PLA2G4A: variants seen among roughly 807,000 people sequenced by gnomAD.
PLA2G4A encodes the protein phospholipase A2 group IVA.
Under a neutral mutation model 81.9 loss-of-function variants are expected in PLA2G4A, and 40 were observed. The ratio of observed to expected loss-of-function variants is 0.49; its 90% CI spans 0.38 to 0.64. PLA2G4A has a LOEUF of 0.64. Ranked by LOEUF, PLA2G4A falls within the 30% of genes least tolerant of loss-of-function variation. The pLI is 0.00. For synonymous variants in PLA2G4A, 302 were observed against 296.9 expected (o/e 1.02, Z -0.18); for missense variants, 715 against 905.1 (o/e 0.79, Z 2.69).
intron 2 of PLA2G4A, among the ~76,000 whole-genome samples, chr1:186,855,393 T>A (rs570532640): frequency 6.6e-6 from 1 of 152,128 alleles, no homozygotes; most frequent in East Asian, 1.9e-4. Context: ...CTTCTTTCTG[T>A]CTGACTCTCT....
At chr1:186,839,707 G>A (rs1398462737) in intron 1 of PLA2G4A, among the ~76,000 whole-genome samples, 1 of 152,090 alleles carries the variant, frequency 6.6e-6, no homozygotes, top group Non-Finnish European at 1.5e-5. Context: ...TTTTCAGGAT[G>A]TGCTACATGT....
chr1:186,882,086 T>A (rs1030592062), intron 3 of PLA2G4A, among the ~76,000 whole-genome samples: 1 of 152,142 alleles, frequency 6.6e-6, no homozygotes, highest in African/African-American at 2.4e-5. Flanking sequence ...CTTGCTCAGC[T>A]CACTAAATGC....
intron 3 of PLA2G4A, among the ~76,000 whole-genome samples, chr1:186,877,256 G>A (rs895464308): frequency 2.6e-5 from 4 of 151,930 alleles, no homozygotes; most frequent in Non-Finnish European, 5.9e-5. Flanking sequence ...CCACTATCTT[G>A]GGAGATATTG....
chr1:186,887,787 G>C (rs1653987554), intron 3 of PLA2G4A, among the ~76,000 whole-genome samples: 2 of 152,134 alleles, frequency 1.3e-5, no homozygotes. Context: ...TGTGTTTACT[G>C]TCAAAGTGGG....
chr1:186,903,505 G>A (rs1042722627), intron 5 of PLA2G4A, among the ~76,000 whole-genome samples: 7 of 152,196 alleles, frequency 4.6e-5, no homozygotes, highest in African/African-American at 1.2e-4. Context: ...AGAGTTGGAC[G>A]AAGGAGCAAA....
intron 10 of PLA2G4A, among the ~76,000 whole-genome samples, chr1:186,944,928 T>C (rs1656284632): frequency 6.6e-6 from 1 of 152,118 alleles, no homozygotes; most frequent in South Asian, 2.1e-4. Flanking sequence ...CTAAATGAAT[T>C]CAGATTAGAT....
chr1:186,979,433 A>G lies in PLA2G4A; in HGVS notation c.2079A>G (p.Leu693=), dbSNP rs902167994. The G allele has an allele frequency of 6.2e-7, 1 of 1,602,088 alleles. No homozygotes were observed. The highest frequency in any genetic ancestry group is 8.6e-7 in the Non-Finnish European group (1 of 1,168,978). The stretch of plus-strand genomic sequence containing the variant: ...ATCCAAATCAAGCATTCAAAAGACT[A>G]CATGATCTTATGCACTTCAATACTC... ...FQYPNQAFKR[L]HDLMHFNTLN... The change falls in exon 17 of 18, where the codon CTA becomes CTG. Residue 693 remains leucine, a synonymous_variant. Coordinates refer to ENST00000367466, the MANE Select transcript of PLA2G4A (RefSeq NM_024420.3).
intron 3 of PLA2G4A, among the ~76,000 whole-genome samples, chr1:186,883,055 T>C (rs899400172): frequency 6.6e-6 from 1 of 152,054 alleles, no homozygotes; most frequent in African/African-American, 2.4e-5. Flanking sequence ...TGAAAATAAG[T>C]TTGCTTTGTA....
In PLA2G4A at chr1:186,979,937, C is replaced by T. The variant is rs549723673; in HGVS notation, c.2118+465C>T. Among the ~76,000 whole-genome samples the T allele has an allele frequency of 2.2e-5, 3 of 135,090 alleles. No individual in the cohort carries two copies. In the South Asian group the frequency reaches 7.2e-4, roughly 32 times the overall value. The allele number at this position is 135,090 out of a possible 152,430, so 88.6% of individuals were successfully genotyped here. A position where few individuals can be genotyped will look rare whatever the true frequency, so the allele number is the denominator to read the frequency against. ...AGAGCAGCATCACAAAACGTAACAG[C>T]ATTTCCTTTTTTTTTTTTTTTTTTT... is the stretch of plus-strand genomic sequence containing the variant. On this transcript the variant is annotated intron_variant, in intron 17 of 17. Coordinates refer to ENST00000367466, the MANE Select transcript of PLA2G4A (RefSeq NM_024420.3).
intron 1 of PLA2G4A, among the ~76,000 whole-genome samples, chr1:186,835,974 T>A (rs1651762866): frequency 6.6e-6 from 1 of 152,128 alleles, no homozygotes; most frequent in African/African-American, 2.4e-5. Context: ...TTTACATGCA[T>A]TTTTTCCCTC....
At chr1:186,954,004 T>A (rs549927423) in intron 13 of PLA2G4A, among the ~76,000 whole-genome samples, 2 of 152,358 alleles carry the variant, frequency 1.3e-5, no homozygotes, top group Admixed American at 1.3e-4. Flanking sequence ...TAGAAAGTAG[T>A]GTATTTGTTT....
At position 186,915,189 on chromosome 1, in the gene PLA2G4A, G is replaced by T. The variant is rs556659227; in HGVS notation, c.558+3800G>T. Among the ~76,000 whole-genome samples, 3 of 152,188 alleles carry T rather than the reference G, an allele frequency of 2.0e-5. No homozygotes were observed. The East Asian group carries it at 5.8e-4, about 29-fold the overall frequency. On this transcript the variant is annotated intron_variant, in intron 7 of 17. Transcript: ENST00000367466. ...TCTCTAACTATGTCTTCAACTACTT[G>T]CCCTTGATCATCTATGTGTAGACAG... is the stretch of plus-strand genomic sequence containing the variant.
At chr1:186,979,200 T>C in intron 16 of PLA2G4A, 115 bp from the exon 17 acceptor site, 1 of 768,206 alleles carries the variant, frequency 1.3e-6, no homozygotes, top group Non-Finnish European at 2.3e-6. Context: ...ACAGAGTACC[T>C]GGCTCTGTGG....
chr1:186,945,254 G>A (rs527546914), intron 10 of PLA2G4A, among the ~76,000 whole-genome samples: 20 of 152,250 alleles, frequency 1.3e-4, no homozygotes, highest in Admixed American at 4.6e-4. Context: ...GATCTGTGCC[G>A]TGTGGCTGAA....
intron 3 of PLA2G4A, among the ~76,000 whole-genome samples, chr1:186,890,656 C>G (rs762907673): frequency 1.3e-5 from 2 of 151,824 alleles, no homozygotes; most frequent in Admixed American, 1.3e-4. Context: ...GAGATCGAGA[C>G]CATCCTGGCC....
At chr1:186,874,209 T>C (rs1388556375) in intron 3 of PLA2G4A, among the ~76,000 whole-genome samples, 1 of 152,066 alleles carries the variant, frequency 6.6e-6, no homozygotes, top group East Asian at 1.9e-4. Flanking sequence ...TAACAGAAGA[T>C]ATGTTTGCAG....
chr1:186,841,563 GC>G (rs1196833066), intron 1 of PLA2G4A, among the ~76,000 whole-genome samples: 1 of 152,180 alleles, frequency 6.6e-6, no homozygotes, highest in Admixed American at 6.5e-5. Context: ...ATATCTTAAA[GC>G]CTCAGCTTAC....
intron 2 of PLA2G4A, among the ~76,000 whole-genome samples, chr1:186,862,392 T>G (rs974393497): frequency 1.3e-5 from 2 of 151,976 alleles, no homozygotes; most frequent in African/African-American, 4.8e-5. Flanking sequence ...TTTTTTGTAT[T>G]TTTAATAGCG....
At chr1:186,931,860 G>T (rs1370466502) in intron 7 of PLA2G4A, among the ~76,000 whole-genome samples, 1 of 152,034 alleles carries the variant, frequency 6.6e-6, no homozygotes, top group Non-Finnish European at 1.5e-5. Flanking sequence ...CCTTGTTCTG[G>T]GTAATGATAG....
Sources: allele counts gnomAD v4.1 joint callset (sites outside exome capture counted in the v4.1 genomes callset), GRCh38; gene constraint gnomAD v4.1.1; transcripts MANE v1.5; gene names NCBI Gene and HGNC (gene_info 2026-07-23, HGNC 2026-07-21).